ROCK2: variants seen among roughly 807,000 people sequenced by gnomAD.
ROCK2 encodes the protein rho-associated protein kinase 2.
Under a neutral mutation model 195.1 loss-of-function variants are expected in ROCK2, and 61 were observed. The ratio of observed to expected loss-of-function variants is 0.31; its 90% CI spans 0.25 to 0.39. The LOEUF (loss-of-function observed/expected upper bound fraction) is 0.39, where lower values mean the gene tolerates loss of function less well. Ranked by LOEUF, ROCK2 falls within the 10% of genes least tolerant of loss-of-function variation. The pLI is 1.00. For missense variants in ROCK2, 1,109 were observed against 1,637.4 expected, an observed-to-expected ratio of 0.68 and a Z score of 5.57; for synonymous variants, 504 against 545.5, an observed-to-expected ratio of 0.92 and a Z score of 1.06.
chr2:11,208,631 T>C (rs1364881011), intron 18 of ROCK2, among the ~76,000 whole-genome samples, 184 bp from the exon 19 acceptor site: 1 of 148,226 alleles, frequency 6.7e-6, no homozygotes, highest in Non-Finnish European at 1.5e-5. Flanking sequence ...AGAGTCTCAC[T>C]CTGTTGCCCA....
At chr2:11,218,604 G>A in intron 10 of ROCK2, 138 bp from the exon 11 acceptor site, 1 of 594,128 alleles carries the variant, frequency 1.7e-6, no homozygotes, top group East Asian at 3.0e-5. Context: ...AAAATGTTTA[G>A]CATCATCATT....
chr2:11,282,640 A>C (rs1055188985), intron 3 of ROCK2, among the ~76,000 whole-genome samples: 69 of 150,782 alleles, frequency 4.6e-4, no homozygotes, highest in Admixed American at 2.0e-3. Context: ...ACCAGACCTT[A>C]TATCTTCTAG....
chr2:11,216,514 CT>C (rs78853931), intron 12 of ROCK2, among the ~76,000 whole-genome samples: 142 of 139,306 alleles, frequency 1.0e-3, no homozygotes, highest in Non-Finnish European at 1.2e-3. Context: ...TTTCTTTTTT[CT>C]TTTTTTTTTT....
chr2:11,259,010 A>G (rs1666132020), intron 3 of ROCK2, among the ~76,000 whole-genome samples: 1 of 151,334 alleles, frequency 6.6e-6, no homozygotes, highest in Admixed American at 6.6e-5. Flanking sequence ...AGGGGACTGC[A>G]TGTGCCCAGA....
Position 11,192,313 on chromosome 2 carries a change from G to T in ROCK2, c.3998C>A (p.Ser1333Tyr). The change falls in exon 32 of 33, where the codon TCT becomes TAT. Residue 1333 changes from serine to tyrosine, a missense_variant. Coordinates refer to ENST00000315872, the MANE Select transcript of ROCK2 (RefSeq NM_004850.5). The surrounding 1 kb of genome is among the most constrained non-coding windows in gnomAD (Gnocchi z 5.0). ...AACCCACTTCTGCTGCTCTTCTGTAGAATTTGCTAGTAATAACAGATTCTT... is the reference window on the plus strand; with the variant it reads ...AACCCACTTCTGCTGCTCTTCTGTATAATTTGCTAGTAATAACAGATTCTT... ...TAKNLLLLAN[S>Y]TEEQQKWVSR... is the part of the protein sequence containing the mutation. The T allele has an allele frequency of 6.2e-7, 1 of 1,613,644 alleles. No homozygotes were observed. Among genetic ancestry groups the T allele is most frequent in the Non-Finnish European group, 8.5e-7 (1 of 1,179,870 alleles).
intron 3 of ROCK2, among the ~76,000 whole-genome samples, chr2:11,267,822 T>G (rs1451248683): frequency 6.6e-6 from 1 of 151,794 alleles, no homozygotes; most frequent in East Asian, 1.9e-4. Flanking sequence ...ATTTTTTATA[T>G]TTTTAGCAGA....
chr2:11,197,102 A>C lies in ROCK2; in HGVS notation c.3448+78T>G. 2.1e-6 allele frequency: 2 copies of C among 956,312 alleles called. No homozygotes were observed. The highest frequency in any genetic ancestry group is 2.9e-6 in the Non-Finnish European group (2 of 679,184). The allele number at this position is 956,312 out of a possible 1,614,324, so 59.2% of individuals were successfully genotyped here. On this transcript the variant is annotated intron_variant, in intron 27 of 32. Coordinates refer to ENST00000315872, the MANE Select transcript of ROCK2 (RefSeq NM_004850.5). This position sits in a 1 kb window ranked among gnomAD's most constrained non-coding sequence, Gnocchi z 4.9. ...GAAATTACAAACATTTTTCCTTCAG[A>C]GCAGTCAGTCGCAAGACTTAAAACA...
chr2:11,271,318 G>T (rs1375562157), intron 3 of ROCK2, among the ~76,000 whole-genome samples: 1 of 152,132 alleles, frequency 6.6e-6, no homozygotes, highest in East Asian at 1.9e-4. Context: ...GTAAAGGTGT[G>T]GGGGCTCACC....
chr2:11,330,078 T>C (rs1668671653), intron 1 of ROCK2, among the ~76,000 whole-genome samples: 1 of 152,168 alleles, frequency 6.6e-6, no homozygotes, highest in Non-Finnish European at 1.5e-5. Flanking sequence ...GATTGTAAAA[T>C]GTTTCTAACT....
At position 11,215,520 on chromosome 2, in the gene ROCK2, C is replaced by A. The variant is rs1664395696; in HGVS notation, c.1587G>T (p.Leu529Phe). ...TTCTACACCACAAACCATCATTTTC[C>A]AAATTTCGTTTTTTGTCTGCTTCAT... ...ADHEADKKRN[L>F]ENDVNSLKDQ... Residue 529 changes from leucine to phenylalanine, a missense_variant, in exon 14 of 33, where the codon TTG (leucine) becomes TTT (phenylalanine). Physicochemically the swap from Leu to Phe is conservative, Grantham distance 22. This residue lies in a region of ROCK2 where 542 missense variants were observed against 672.0 expected (regional missense o/e 0.81). Coordinates refer to ENST00000315872, the MANE Select transcript of ROCK2 (RefSeq NM_004850.5). The A allele has an allele frequency of 6.2e-7, 1 of 1,611,422 alleles. No individual in the cohort carries two copies.
Position 11,273,262 on chromosome 2 carries a change from T to C in ROCK2, c.324+13277A>G, listed in dbSNP as rs78472181. Among the ~76,000 whole-genome samples, 897 of 152,204 alleles carry C rather than the reference T, an allele frequency of 5.9e-3. 2 individuals are homozygous for C. Among genetic ancestry groups the C allele is most frequent in the African/African-American group, 0.021 (869 of 41,544 alleles). On this transcript the variant is annotated intron_variant, in intron 3 of 32. Transcript: ENST00000315872. ...TTAAAAAAAAGATCCATCTATGCATTGTCCATAAGATAATCACTTTAGATC... is the reference window on the plus strand; with the variant it reads ...TTAAAAAAAAGATCCATCTATGCATCGTCCATAAGATAATCACTTTAGATC...
chr2:11,283,582 A>AAAACCAAGAAAGAAAG lies in ROCK2; in HGVS notation c.324+2956_324+2957insCTTTCTTTCTTGGTTT, dbSNP rs777307547. 2.0e-4 allele frequency among the ~76,000 whole-genome samples: 3 copies of AAAACCAAGAAAGAAAG among 15,190 alleles called. No homozygotes were observed. The East Asian group carries it at 0.036, about 181-fold the overall frequency. The allele number at this position is 15,190 out of a possible 152,430, so 10.0% of individuals were successfully genotyped here. ...GACTCCGTCTCAAAAAAAAAAAAAA[A>AAAACCAAGAAAGAAAG]AAAGCAAGAAAGAAAAGAAAAAAAG... On this transcript the variant is annotated intron_variant, in intron 3 of 32. Transcript: ENST00000315872.
At chr2:11,239,582 G>A (rs1665351386) in intron 4 of ROCK2, among the ~76,000 whole-genome samples, 2 of 152,078 alleles carry the variant, frequency 1.3e-5, no homozygotes, top group South Asian at 2.1e-4. Context: ...TATTCATATC[G>A]GCATTATTCA....
intron 5 of ROCK2, among the ~76,000 whole-genome samples, chr2:11,230,358 T>C (rs1221730174): frequency 6.6e-6 from 1 of 152,144 alleles, no homozygotes; most frequent in Non-Finnish European, 1.5e-5. Context: ...TAAGGAGCTT[T>C]CACAAGATGG....
intron 3 of ROCK2, among the ~76,000 whole-genome samples, chr2:11,274,693 A>G (rs1666762951): frequency 6.6e-6 from 1 of 152,184 alleles, no homozygotes; most frequent in African/African-American, 2.4e-5. Flanking sequence ...TATTTCAATA[A>G]CATCAATCAT....
chr2:11,186,082 A>G (rs535828233), intron 32 of ROCK2, among the ~76,000 whole-genome samples: 40 of 152,352 alleles, frequency 2.6e-4, no homozygotes, highest in Middle Eastern at 6.8e-3. Flanking sequence ...TTAATGGATG[A>G]TTACTCTAAT....
chr2:11,286,771 T>C (rs1416411415), intron 2 of ROCK2, 132 bp from the exon 3 acceptor site: 1 of 539,664 alleles, frequency 1.9e-6, no homozygotes, highest in Non-Finnish European at 3.2e-6. Context: ...TAAAGGCTGT[T>C]AGTTAAAAAT....
At chr2:11,322,921 C>T (rs777546725) in intron 1 of ROCK2, among the ~76,000 whole-genome samples, 9 of 152,126 alleles carry the variant, frequency 5.9e-5, no homozygotes, top group Non-Finnish European at 1.3e-4. Flanking sequence ...TAATCATTAT[C>T]TCCAGTAAGT....
Position 11,198,780 on chromosome 2 carries a change from A to AAT in ROCK2, c.2911-7_2911-6insAT. 6.5e-7 allele frequency: 1 copy of AAT among 1,548,976 alleles called. No individual in the cohort carries two copies. The highest frequency in any genetic ancestry group is 8.8e-7 in the Non-Finnish European group (1 of 1,137,996). On this transcript the variant is annotated splice_polypyrimidine_tract_variant and splice_region_variant and intron_variant, in intron 23 of 32. Transcript: ENST00000315872. ...GTCCTATTAGTTTCCTCAAGCTAAG[A>AAT]AATGAAAGAGGAAAAAATAATCACA...
Sources: gnomAD v4.1 joint callset for allele counts (sites outside exome capture counted in the v4.1 genomes callset) on GRCh38, gnomAD v4.1.1 for gene constraint, gnomAD v4.1.1 regional missense constraint, Gnocchi (gnomAD v3.1) non-coding constraint, MANE v1.5 for transcripts, NCBI Gene and HGNC (gene_info 2026-07-23, HGNC 2026-07-21) for gene names.